Variants in ERICH3 observed in about 807,000 individuals in gnomAD.
ERICH3 encodes glutamate rich 3, also known as glutamate-rich protein 3.
In ERICH3, 126 loss-of-function variants were observed where a neutral mutation model predicts 131.1. The ratio of observed to expected loss-of-function variants is 0.96; its 90% CI spans 0.83 to 1.11. The LOEUF (loss-of-function observed/expected upper bound fraction) is 1.11. Ranked by LOEUF, ERICH3 falls within the 50% of genes most tolerant of loss-of-function variation. The pLI, the probability that ERICH3 is intolerant of heterozygous loss-of-function variation, is 0.00. For missense variants in ERICH3, 2,050 were observed against 1,810.7 expected (o/e 1.13, Z -2.40); for synonymous variants, 695 against 644.6 (o/e 1.08, Z -1.18).
chr1:74,670,818 T>C (rs116746266), intron 1 of ERICH3, among the ~76,000 whole-genome samples: 2 of 152,168 alleles, frequency 1.3e-5, no homozygotes, highest in Non-Finnish European at 2.9e-5. Context: ...GTAGAGAGCC[T>C]ACAAATGGAC....
At position 74,571,293 on chromosome 1, in the gene ERICH3, T is replaced by G; in HGVS notation, c.4417A>C (p.Lys1473Gln). The G allele has an allele frequency of 1.2e-6, 2 of 1,614,056 alleles. No homozygotes were observed. Among genetic ancestry groups the G allele is most frequent in the Non-Finnish European group, 1.7e-6 (2 of 1,180,000 alleles). ...TCCCGTGATAATCCTAATCGGAATT[T>G]TTCAGCTGCTCCTGTCTCCTGCCTC... ...DGRQETGAAE[K>Q]FRLGLSREGE... is the part of the protein sequence containing the mutation. Residue 1473 changes from lysine to glutamine, a missense_variant, in exon 14 of 15, where the codon AAA (lysine) becomes CAA (glutamine). Lys to Gln is a moderately conservative substitution (Grantham distance 53). Coordinates refer to ENST00000326665, the MANE Select transcript of ERICH3 (RefSeq NM_001002912.5).
intron 12 of ERICH3, among the ~76,000 whole-genome samples, chr1:74,579,159 T>C (rs1302761488): frequency 1.3e-5 from 2 of 152,184 alleles, no homozygotes; most frequent in African/African-American, 2.4e-5. Context: ...ATAATGTGAA[T>C]ACTGTATATC....
chr1:74,600,332 G>A (rs549351489), intron 10 of ERICH3, among the ~76,000 whole-genome samples: 261 of 151,956 alleles, frequency 1.7e-3, no homozygotes, highest in African/African-American at 6.0e-3. Context: ...TATTTCATAT[G>A]AAAAATGTTC....
At chr1:74,656,377 A>T (rs1488937970) in intron 1 of ERICH3, among the ~76,000 whole-genome samples, 1 of 152,096 alleles carries the variant, frequency 6.6e-6, no homozygotes, top group Non-Finnish European at 1.5e-5. Flanking sequence ...AGATATTTTG[A>T]GGCCCTCCCT....
Position 74,571,954 on chromosome 1 carries a change from T to G in ERICH3, c.3756A>C (p.Ala1252=). ...ELAAKDHDSC[A]GLEGRAEGQG... is the part of the protein sequence containing the mutation. ...GCCCTTCAGCTCTCCCCTCCAGTCC[T>G]GCGCAGGAGTCGTGATCTTTGGCTG... The change falls in exon 14 of 15, where the codon GCA becomes GCC. Residue 1252 remains alanine, a synonymous_variant. Transcript: ENST00000326665. 6.2e-7 allele frequency: 1 copy of G among 1,613,790 alleles called. No homozygotes were observed. Among genetic ancestry groups the G allele is most frequent in the Non-Finnish European group, 8.5e-7 (1 of 1,180,022 alleles).
chr1:74,593,551 C>T (rs956117960), intron 11 of ERICH3, among the ~76,000 whole-genome samples: 1 of 151,932 alleles, frequency 6.6e-6, no homozygotes, highest in African/African-American at 2.4e-5. Flanking sequence ...TCTTTATAGT[C>T]TTTTTTCCTC....
At position 74,571,827 on chromosome 1, in the gene ERICH3, C is replaced by G; in HGVS notation, c.3883G>C (p.Glu1295Gln). Residue 1295 changes from glutamate to glutamine, a missense_variant, in exon 14 of 15, where the codon GAG (glutamate) becomes CAG (glutamine). Coordinates refer to ENST00000326665, the MANE Select transcript of ERICH3 (RefSeq NM_001002912.5). ...GTGCACTCTTTGTCCTCTTCCTCCT[C>G]TGGGTCCTCATCCACCGCTTCCTCC... Reference protein sequence around the residue: ...FREEAVDEDPEEEEDKECTLE... With the variant: ...FREEAVDEDPQEEEDKECTLE... 6.2e-7 allele frequency: 1 copy of G among 1,613,080 alleles called. No individual in the cohort carries two copies. The highest frequency in any genetic ancestry group is 1.3e-5 in the African/African-American group (1 of 75,056).
intron 11 of ERICH3, among the ~76,000 whole-genome samples, chr1:74,590,505 C>T (rs1364662415): frequency 6.6e-6 from 1 of 152,188 alleles, no homozygotes; most frequent in Non-Finnish European, 1.5e-5. Flanking sequence ...ATTAGATTCT[C>T]ATAAGGAGCT....
chr1:74,631,667 G>A, intron 7 of ERICH3, 46 bp downstream of exon 7: 1 of 1,473,284 alleles, frequency 6.8e-7, no homozygotes. Flanking sequence ...ATAGTGCAAT[G>A]TAATCTGAGA....
At chr1:74,627,227 C>G (rs147766563) in intron 7 of ERICH3, among the ~76,000 whole-genome samples, 19 of 151,872 alleles carry the variant, frequency 1.3e-4, no homozygotes, top group Admixed American at 9.9e-4. Context: ...ATGACTACAT[C>G]TTGAATAGAA....
intron 1 of ERICH3, among the ~76,000 whole-genome samples, chr1:74,656,706 A>G (rs1385167401): frequency 1.3e-5 from 2 of 152,238 alleles, no homozygotes; most frequent in Non-Finnish European, 2.9e-5. Context: ...ATACCCACAT[A>G]GAATCTGGCA....
chr1:74,591,846 C>A (rs1311416123), intron 11 of ERICH3: 2 of 152,118 alleles, frequency 1.3e-5, no homozygotes, highest in Non-Finnish European at 2.9e-5. Context: ...AATAAAACAT[C>A]CTACATTTAA....
At chr1:74,660,369 C>T (rs1187510184) in intron 1 of ERICH3, among the ~76,000 whole-genome samples, 7 of 151,768 alleles carry the variant, frequency 4.6e-5, no homozygotes, top group Non-Finnish European at 8.8e-5. Context: ...ATTGAGTTTA[C>T]AGTATTATTA....
At chr1:74,613,021 CA>C (rs570518414) in intron 8 of ERICH3, among the ~76,000 whole-genome samples, 1,488 of 147,046 alleles carry the variant, frequency 0.01, 22 homozygotes, top group African/African-American at 0.034. Context: ...GAGCTAAAAA[CA>C]AAAAAAAAAG....
chr1:74,570,953 C>G, intron 14 of ERICH3, 146 bp downstream of exon 14: 1 of 1,122,896 alleles, frequency 8.9e-7, no homozygotes, highest in Non-Finnish European at 1.2e-6. Context: ...CCTTTCCTGA[C>G]AGGCTTAGGG....
Position 74,599,796 on chromosome 1 carries a change from T to C in ERICH3, c.1625A>G (p.Lys542Arg), listed in dbSNP as rs1021483485. 1 of 1,612,530 alleles carries C rather than the reference T, an allele frequency of 6.2e-7. No homozygotes were observed. The highest frequency in any genetic ancestry group is 8.5e-7 in the Non-Finnish European group (1 of 1,179,018). The change falls in exon 11 of 15, where the codon AAA (lysine) becomes AGA (arginine). Residue 542 changes from lysine (K) to arginine (R), a missense_variant. By Grantham distance (26) the Lys-to-Arg change is conservative (BLOSUM62 2). Coordinates refer to ENST00000326665, the MANE Select transcript of ERICH3 (RefSeq NM_001002912.5). ...DDKKDNLDPE[K>R]ESETSSQKAP... is the part of the protein sequence containing the mutation. ...CTTCTGTGATGAGGTTTCACTCTCT[T>C]TTTCAGGGTCTAAATTATCTTTTTT...
intron 12 of ERICH3, among the ~76,000 whole-genome samples, chr1:74,586,187 ATAACAG>A (rs1004041014): frequency 5.3e-5 from 8 of 152,136 alleles, no homozygotes; most frequent in African/African-American, 1.7e-4. Flanking sequence ...CAATATAAGA[ATAACAG>A]ATAAGGTGAA....
At chr1:74,603,078 TG>T (rs1372491434) in intron 10 of ERICH3, among the ~76,000 whole-genome samples, 1 of 151,836 alleles carries the variant, frequency 6.6e-6, no homozygotes, top group Non-Finnish European at 1.5e-5. Context: ...AAATATGAGG[TG>T]GGGAAGAAGA....
intron 11 of ERICH3, among the ~76,000 whole-genome samples, chr1:74,591,547 G>T (rs1036537257): frequency 7.2e-5 from 11 of 152,302 alleles, no homozygotes; most frequent in Admixed American, 3.9e-4. Context: ...GGGAGCAGAA[G>T]ATGGGAAATG....
Sources: gnomAD v4.1 joint callset for allele counts (sites outside exome capture counted in the v4.1 genomes callset) on GRCh38, gnomAD v4.1.1 for gene constraint, MANE v1.5 for transcripts, NCBI Gene and HGNC (gene_info 2026-07-23, HGNC 2026-07-21) for gene names.